Variants in CSMD1 observed in about 807,000 individuals in gnomAD.
CSMD1 encodes the protein CUB and Sushi multiple domains 1.
CSMD1 carries 213 observed loss-of-function variants against 417.5 expected under a neutral mutation model. The ratio of observed to expected loss-of-function variants is 0.51; its 90% CI spans 0.46 to 0.57. CSMD1 has a LOEUF of 0.57. CSMD1 is among the 20% of genes least tolerant of loss of function. The pLI is 0.00. For missense variants in CSMD1, 6,923 were observed against 4,529.7 expected (o/e 1.53, Z -15.17); for synonymous variants, 2,862 against 1,736.8 (o/e 1.65, Z -16.11).
chr8:3,957,918 T>C (rs1202821652), intron 5 of CSMD1, among the ~76,000 whole-genome samples: 1 of 152,186 alleles, frequency 6.6e-6, no homozygotes, highest in African/African-American at 2.4e-5. Flanking sequence ...TGGCTGGTGA[T>C]CTACTTCTCA....
intron 5 of CSMD1, among the ~76,000 whole-genome samples, chr8:3,783,541 G>A (rs934206344): frequency 1.3e-5 from 2 of 152,192 alleles, no homozygotes; most frequent in East Asian, 1.9e-4. Flanking sequence ...CTGCCCCTAA[G>A]GTGGGCACAG....
chr8:3,942,652 T>C (rs558973307), intron 5 of CSMD1, among the ~76,000 whole-genome samples: 31 of 152,202 alleles, frequency 2.0e-4, no homozygotes, highest in Admixed American at 3.9e-4. Flanking sequence ...AGTTTATCTT[T>C]AAAAACTGTT....
At chr8:3,832,803 C>T (rs1461163331) in intron 5 of CSMD1, among the ~76,000 whole-genome samples, 2 of 152,018 alleles carry the variant, frequency 1.3e-5, no homozygotes, top group Non-Finnish European at 1.5e-5. Context: ...AATACCTTCG[C>T]CTTATTAAAA....
intron 3 of CSMD1, among the ~76,000 whole-genome samples, chr8:4,202,986 G>A (rs1481998886): frequency 6.6e-6 from 1 of 152,136 alleles, no homozygotes; most frequent in Non-Finnish European, 1.5e-5. Flanking sequence ...CACCAAAGAT[G>A]TCTGCATCGT....
In CSMD1 at chr8:4,077,279, C is replaced by CTATATATATATATGGGTATATATATA. The variant is rs1281597523; in HGVS notation, c.416-45181_416-45180insTATATATATACCCATATATATATATA. ...CCCACTGTAAAAGCCCATTTGTCAC[C>CTATATATATATATGGGTATATATATA]TATATATATATATATGTGTATATAT... is the stretch of plus-strand genomic sequence containing the variant. On this transcript the variant is annotated intron_variant, in intron 3 of 69. Transcript: ENST00000635120. Among the ~76,000 whole-genome samples the CTATATATATATATGGGTATATATATA allele has an allele frequency of 1.9e-4, 18 of 94,988 alleles. 1 individual carries two copies. The highest frequency in any genetic ancestry group is 7.2e-4 in the African/African-American group (17 of 23,560). The allele number at this position is 94,988 out of a possible 152,430, so 62.3% of individuals were successfully genotyped here.
intron 4 of CSMD1, among the ~76,000 whole-genome samples, chr8:4,006,203 G>T (rs1197896158): frequency 1.3e-5 from 2 of 152,108 alleles, no homozygotes; most frequent in African/African-American, 2.4e-5. Flanking sequence ...CAGTTGCTGA[G>T]AATTCCGGGA....
chr8:4,486,162 C>T lies in CSMD1; in HGVS notation c.303-66097G>A, dbSNP rs959926891. 3.6e-3 allele frequency among the ~76,000 whole-genome samples: 176 copies of T among 48,654 alleles called. 1 individual carries two copies. The highest frequency in any genetic ancestry group is 9.1e-3 in the African/African-American group (168 of 18,556). 31.9% of individuals were successfully genotyped at this position (48,654 alleles called of 152,430 possible). ...ACATACATATATATATATATACATA[C>T]ATATATATATATACATACATATATA... On this transcript the variant is annotated intron_variant, in intron 2 of 69. Transcript: ENST00000635120.
intron 3 of CSMD1, among the ~76,000 whole-genome samples, chr8:4,126,818 A>T (rs926184922): frequency 6.6e-6 from 1 of 152,170 alleles, no homozygotes; most frequent in African/African-American, 2.4e-5. Flanking sequence ...AACCTGGGGT[A>T]GGAGATGTCC....
chr8:4,885,667 C>T (rs998745777), intron 1 of CSMD1, among the ~76,000 whole-genome samples: 8 of 151,524 alleles, frequency 5.3e-5, no homozygotes, highest in Non-Finnish European at 1.0e-4. Context: ...TTTCTTTCTT[C>T]ATTAAATATA....
intron 5 of CSMD1, among the ~76,000 whole-genome samples, chr8:3,984,202 G>T (rs1014490346): frequency 6.9e-6 from 1 of 144,922 alleles, no homozygotes; most frequent in Non-Finnish European, 1.5e-5. Context: ...GACTGCGCTT[G>T]CACCCAGCCA....
intron 6 of CSMD1, among the ~76,000 whole-genome samples, chr8:3,749,878 C>T (rs1390185234): frequency 6.6e-6 from 1 of 152,008 alleles, no homozygotes; most frequent in South Asian, 2.1e-4. Context: ...GTGCTCGCAT[C>T]TCCTGGGGAC....
chr8:3,751,921 T>A (rs1797362422), intron 6 of CSMD1, among the ~76,000 whole-genome samples: 6 of 152,212 alleles, frequency 3.9e-5, no homozygotes, highest in Admixed American at 3.9e-4. Flanking sequence ...CCTAACTGAC[T>A]ATAGGATCAG....
At chr8:3,603,689 C>G (rs1246042087) in intron 8 of CSMD1, among the ~76,000 whole-genome samples, 1 of 152,152 alleles carries the variant, frequency 6.6e-6, no homozygotes, top group Non-Finnish European at 1.5e-5. Flanking sequence ...AAAATTCCCT[C>G]TTGTATTCAT....
intron 1 of CSMD1, among the ~76,000 whole-genome samples, chr8:4,932,774 G>A (rs144653048): frequency 6.6e-6 from 1 of 152,090 alleles, no homozygotes; most frequent in Non-Finnish European, 1.5e-5. Context: ...CTGACTTAAA[G>A]GTAAATTTTT....
intron 1 of CSMD1, among the ~76,000 whole-genome samples, chr8:4,932,966 G>A (rs193141832): frequency 6.6e-6 from 1 of 152,090 alleles, no homozygotes; most frequent in Admixed American, 6.5e-5. Flanking sequence ...CAAAATGCAG[G>A]AATTGAAGAT....
chr8:4,414,526 T>C (rs1240959642), intron 3 of CSMD1, among the ~76,000 whole-genome samples: 2 of 152,216 alleles, frequency 1.3e-5, no homozygotes, highest in Non-Finnish European at 2.9e-5. Context: ...TGCTTATGCA[T>C]AGTTTATAAG....
At chr8:3,750,752 G>T (rs1442440116) in intron 6 of CSMD1, among the ~76,000 whole-genome samples, 1 of 152,204 alleles carries the variant, frequency 6.6e-6, no homozygotes, top group East Asian at 1.9e-4. Flanking sequence ...GTGGAGGGCT[G>T]GGTGGCTGGC....
chr8:4,466,571 C>T (rs1800183499), intron 2 of CSMD1, among the ~76,000 whole-genome samples: 1 of 152,106 alleles, frequency 6.6e-6, no homozygotes, highest in Non-Finnish European at 1.5e-5. Flanking sequence ...AAACAAATGC[C>T]AACAGTGTCA....
At chr8:3,989,971 G>C (rs543653071) in intron 5 of CSMD1, among the ~76,000 whole-genome samples, 1 of 152,210 alleles carries the variant, frequency 6.6e-6, no homozygotes, top group Non-Finnish European at 1.5e-5. Flanking sequence ...TCTAAATGAA[G>C]ATATCAAAAT....
Sources: allele counts gnomAD v4.1 joint callset (sites outside exome capture counted in the v4.1 genomes callset), GRCh38; gene constraint gnomAD v4.1.1; transcripts MANE v1.5; gene names NCBI Gene and HGNC (gene_info 2026-07-23, HGNC 2026-07-21).